The following CCSER1 variants were observed in gnomAD, a reference collection of about 807,000 sequenced individuals.
The protein encoded by CCSER1 is coiled-coil serine rich protein 1.
CCSER1 carries 41 observed loss-of-function variants against 82.0 expected under a neutral mutation model. The observed-to-expected ratio is 0.50, with a 90% CI of 0.39 to 0.65. The LOEUF (loss-of-function observed/expected upper bound fraction) is 0.65, where lower values mean the gene tolerates loss of function less well. Among genes scored for constraint, CCSER1 ranks in the 30% least tolerant of loss-of-function variants. CCSER1 has a pLI of 0.00. For synonymous variants in CCSER1, 414 were observed against 383.9 expected (o/e 1.08, Z -0.92); for missense variants, 1,119 against 1,064.2 (o/e 1.05, Z -0.72).
At chr4:91,225,304 A>ATATACATT (rs1738073734) in intron 10 of CCSER1, among the ~76,000 whole-genome samples, 38 of 31,158 alleles carry the variant, frequency 1.2e-3, no homozygotes, top group African/African-American at 7.8e-3. Flanking sequence ...ATGTATATAT[A>ATATACATT]TTATATATGT....
intron 7 of CCSER1, among the ~76,000 whole-genome samples, chr4:90,813,585 C>A (rs62309549): frequency 0.33 from 50,647 of 151,854 alleles, 8,569 homozygotes; most frequent in East Asian, 0.42. Flanking sequence ...CGTGATTGTG[C>A]ATAAGTCTCA....
At chr4:90,553,188 G>A (rs1777735069) in intron 5 of CCSER1, among the ~76,000 whole-genome samples, 1 of 152,116 alleles carries the variant, frequency 6.6e-6, no homozygotes, top group Non-Finnish European at 1.5e-5. Context: ...GGCCAGGATG[G>A]TCTCGATCTA....
chr4:90,742,524 G>A (rs959311832), intron 7 of CCSER1, among the ~76,000 whole-genome samples: 3 of 152,046 alleles, frequency 2.0e-5, no homozygotes, highest in Admixed American at 1.3e-4. Context: ...CAACATGTGA[G>A]CACTCAGAGG....
At chr4:90,140,550 A>G (rs1703559822) in intron 1 of CCSER1, among the ~76,000 whole-genome samples, 2 of 151,966 alleles carry the variant, frequency 1.3e-5, no homozygotes, top group South Asian at 2.1e-4. Context: ...ACTTGTATCA[A>G]TCTTTGTTAT....
intron 10 of CCSER1, among the ~76,000 whole-genome samples, chr4:91,264,349 G>A (rs1372873458): frequency 6.6e-6 from 1 of 151,696 alleles, no homozygotes; most frequent in Non-Finnish European, 1.5e-5. Flanking sequence ...GTATTAGGTA[G>A]GTACTTCATA....
intron 6 of CCSER1, among the ~76,000 whole-genome samples, chr4:90,633,617 A>C (rs1039056405): frequency 6.6e-6 from 1 of 152,010 alleles, no homozygotes; most frequent in Non-Finnish European, 1.5e-5. Flanking sequence ...TTCACTGAAC[A>C]TCATTGCAAT....
intron 6 of CCSER1, among the ~76,000 whole-genome samples, chr4:90,716,083 A>C (rs190730892): frequency 6.6e-6 from 1 of 151,386 alleles, no homozygotes; most frequent in Non-Finnish European, 1.5e-5. Flanking sequence ...TATATGTATA[A>C]AAATAAATAA....
intron 9 of CCSER1, among the ~76,000 whole-genome samples, chr4:91,052,609 T>C (rs2148712742): frequency 6.6e-6 from 1 of 152,216 alleles, no homozygotes; most frequent in African/African-American, 2.4e-5. Flanking sequence ...AGGAGACTTC[T>C]AGAGATAATA....
intron 10 of CCSER1, among the ~76,000 whole-genome samples, chr4:91,186,551 CG>C (rs1734556086): frequency 6.6e-6 from 1 of 152,088 alleles, no homozygotes; most frequent in South Asian, 2.1e-4. Flanking sequence ...CCTAACTCAG[CG>C]GCGCTAGAGG....
chr4:91,370,028 A>G (rs1241343063), intron 10 of CCSER1, among the ~76,000 whole-genome samples: 2 of 151,854 alleles, frequency 1.3e-5, no homozygotes, highest in Non-Finnish European at 2.9e-5. Context: ...CTTCTAAACT[A>G]TATGATACTT....
intron 1 of CCSER1, among the ~76,000 whole-genome samples, chr4:90,169,076 A>G (rs561735794): frequency 4.2e-4 from 64 of 152,152 alleles, no homozygotes; most frequent in Non-Finnish European, 7.5e-4. Context: ...CAGTATGGCC[A>G]TGTTCACGAT....
At chr4:91,467,106 T>C (rs1049300934) in intron 10 of CCSER1, among the ~76,000 whole-genome samples, 1 of 152,100 alleles carries the variant, frequency 6.6e-6, no homozygotes, top group Non-Finnish European at 1.5e-5. Flanking sequence ...CTTCAAACTA[T>C]ACTACAAGGC....
At chr4:90,437,287 A>ACATATATATAT (rs1759164220) in intron 4 of CCSER1, among the ~76,000 whole-genome samples, 1 of 151,978 alleles carries the variant, frequency 6.6e-6, no homozygotes, top group Non-Finnish European at 1.5e-5. Context: ...GCACACACAC[A>ACATATATATAT]CATATATATA....
intron 10 of CCSER1, among the ~76,000 whole-genome samples, chr4:91,189,337 G>GTGCTA (rs1377254210): frequency 3.8e-4 from 58 of 152,238 alleles, no homozygotes; most frequent in African/African-American, 1.4e-3. Context: ...ATCAGGTTTA[G>GTGCTA]AGTACATGAA....
intron 10 of CCSER1, among the ~76,000 whole-genome samples, chr4:91,118,808 T>C (rs1020860885): frequency 8.5e-5 from 13 of 152,178 alleles, no homozygotes; most frequent in South Asian, 8.3e-4. Flanking sequence ...CTGTGTCATT[T>C]TGAAAATGGG....
chr4:91,265,226 A>G (rs1741483291), intron 10 of CCSER1, among the ~76,000 whole-genome samples: 1 of 152,028 alleles, frequency 6.6e-6, no homozygotes, highest in Non-Finnish European at 1.5e-5. Flanking sequence ...ACTTTGATTA[A>G]TTTAGAACTG....
At chr4:91,319,528 A>G in intron 10 of CCSER1, 1 of 390,242 alleles carries the variant, frequency 2.6e-6, no homozygotes, top group South Asian at 1.9e-5. Flanking sequence ...GGATAAGAAA[A>G]TGGCTAAAAT....
intron 9 of CCSER1, among the ~76,000 whole-genome samples, chr4:90,973,429 C>T (rs1012614802): frequency 6.6e-6 from 1 of 151,622 alleles, no homozygotes; most frequent in Admixed American, 6.6e-5. Flanking sequence ...CATCACTAAT[C>T]ACCAGGAAAA....
intron 9 of CCSER1, among the ~76,000 whole-genome samples, chr4:90,936,969 G>A (rs1312277935): frequency 2.0e-5 from 3 of 152,030 alleles, no homozygotes; most frequent in East Asian, 3.9e-4. Flanking sequence ...AAAAAAAAGA[G>A]TAAGAGATAT....
Sources: allele counts gnomAD v4.1 joint callset (sites outside exome capture counted in the v4.1 genomes callset), GRCh38; gene constraint gnomAD v4.1.1; transcripts MANE v1.5; gene names NCBI Gene and HGNC (gene_info 2026-07-23, HGNC 2026-07-21).